TTC34: variants seen among roughly 807,000 people sequenced by gnomAD.
TTC34 encodes the protein tetratricopeptide repeat domain 34.
Under a neutral mutation model 40.7 loss-of-function variants are expected in TTC34, and 44 were observed. That is an observed-to-expected ratio of 1.08 (90% CI 0.85 to 1.39). TTC34 has a LOEUF of 1.39. Among genes scored for constraint, TTC34 ranks in the 40% most tolerant of loss-of-function variants. The pLI, the probability that TTC34 is intolerant of heterozygous loss-of-function variation, is 0.00. For synonymous variants in TTC34, 422 were observed against 398.6 expected (o/e 1.06, Z -0.70); for missense variants, 884 against 838.0 (o/e 1.05, Z -0.68).
intron 2 of TTC34, among the ~76,000 whole-genome samples, chr1:2,793,455 T>C (rs1643683709): frequency 6.6e-6 from 1 of 152,226 alleles, no homozygotes; most frequent in Non-Finnish European, 1.5e-5. Flanking sequence ...TTTCTATAGT[T>C]ATGGGCAAAA....
chr1:2,671,828 T>C (rs1436119375), intron 6 of TTC34, among the ~76,000 whole-genome samples: 26 of 92,218 alleles, frequency 2.8e-4, no homozygotes, highest in Middle Eastern at 0.011. Context: ...GCAGCACCAG[T>C]ACCCCCAGGC....
At chr1:2,699,489 C>G (rs1425824580) in intron 6 of TTC34, among the ~76,000 whole-genome samples, 1 of 124,252 alleles carries the variant, frequency 8.0e-6, no homozygotes, top group African/African-American at 2.7e-5. Flanking sequence ...GAGCAGCACC[C>G]ACACACCCAG....
chr1:2,695,736 T>G (rs1327441764), intron 6 of TTC34, among the ~76,000 whole-genome samples: 1,195 of 13,190 alleles, frequency 0.091, no homozygotes, highest in Admixed American at 0.12. Context: ...GCAGCTGAAA[T>G]CCTGGAACAG....
chr1:2,796,124 C>T lies in TTC34; in HGVS notation c.784+3920G>A, dbSNP rs749435676. Among the ~76,000 whole-genome samples, 11 of 152,124 alleles carry T rather than the reference C, an allele frequency of 7.2e-5. No individual in the cohort carries two copies. Among genetic ancestry groups the T allele is most frequent in the Admixed American group, 2.0e-4 (3 of 15,270 alleles). On this transcript the variant is annotated intron_variant, in intron 2 of 8. Coordinates refer to ENST00000401095, the Ensembl canonical transcript of TTC34. The surrounding 1 kb of genome is among the most constrained non-coding windows in gnomAD (Gnocchi z 4.5). ...GCATTCAAGGCGCCATCTTGGAATC[C>T]GAATCCCCAAGCCTGTTGGGGCCTT...
intron 6 of TTC34, among the ~76,000 whole-genome samples, chr1:2,683,149 AGC>A (rs1640152835): frequency 8.2e-6 from 1 of 121,420 alleles, no homozygotes; most frequent in East Asian, 2.4e-4. Context: ...CAGCACGCAC[AGC>A]CCCAGGAGAG....
intron 6 of TTC34, among the ~76,000 whole-genome samples, chr1:2,754,794 T>A (rs1488874457): frequency 7.3e-6 from 1 of 136,706 alleles, no homozygotes; most frequent in Non-Finnish European, 1.6e-5. Context: ...GGTGAGCATC[T>A]GACAGCCTGG....
chr1:2,683,354 C>T (rs79461903), intron 6 of TTC34, among the ~76,000 whole-genome samples: 4 of 69,548 alleles, frequency 5.8e-5, no homozygotes, highest in African/African-American at 1.1e-4. Flanking sequence ...CCCTGCACCC[C>T]CAGGTGAGCA....
chr1:2,799,549 A>C (rs1356029807), intron 2 of TTC34, among the ~76,000 whole-genome samples: 1 of 152,114 alleles, frequency 6.6e-6, no homozygotes, highest in East Asian at 1.9e-4. Flanking sequence ...ATCTCAAAAA[A>C]AAAAATGCAG....
chr1:2,699,361 G>T (rs1419388434), intron 6 of TTC34, among the ~76,000 whole-genome samples: 3 of 113,812 alleles, frequency 2.6e-5, no homozygotes, highest in African/African-American at 8.5e-5. Flanking sequence ...GCCTGGAACA[G>T]CACCGCACAC....
intron 6 of TTC34, among the ~76,000 whole-genome samples, chr1:2,683,876 C>T (rs572364892): frequency 2.9e-4 from 38 of 131,976 alleles, no homozygotes; most frequent in South Asian, 1.5e-3. Context: ...ACCCACACCC[C>T]GAGGCGAGCA....
chr1:2,799,535 C>T (rs989349980), intron 2 of TTC34, among the ~76,000 whole-genome samples: 1 of 151,870 alleles, frequency 6.6e-6, no homozygotes, highest in Non-Finnish European at 1.5e-5. Context: ...AAGAATGAAA[C>T]TCCATCTCAA....
intron 6 of TTC34, among the ~76,000 whole-genome samples, chr1:2,692,533 C>T (rs1407883704): frequency 1.7e-4 from 15 of 88,340 alleles, no homozygotes; most frequent in Non-Finnish European, 2.5e-4. Flanking sequence ...CAGCTTGGAT[C>T]AGCACCCACA....
intron 6 of TTC34, among the ~76,000 whole-genome samples, chr1:2,651,388 T>C (rs1228014457): frequency 2.0e-5 from 3 of 151,026 alleles, no homozygotes; most frequent in African/African-American, 7.3e-5. Context: ...TGGAGCAGCA[T>C]TCTCCAGCCC....
At chr1:2,648,294 C>T (rs779763945) in intron 6 of TTC34, among the ~76,000 whole-genome samples, 3 of 152,168 alleles carry the variant, frequency 2.0e-5, no homozygotes, top group Non-Finnish European at 4.4e-5. Flanking sequence ...TGATTTCACT[C>T]TGGGGGGCAG....
intron 6 of TTC34, among the ~76,000 whole-genome samples, chr1:2,768,089 C>T (rs896091526): frequency 2.0e-5 from 3 of 151,538 alleles, no homozygotes; most frequent in African/African-American, 7.3e-5. Flanking sequence ...CCCACATCCC[C>T]AGGTAAGTGT....
At chr1:2,685,741 C>T (rs1319754316) in intron 6 of TTC34, among the ~76,000 whole-genome samples, 1 of 125,478 alleles carries the variant, frequency 8.0e-6, no homozygotes, top group Non-Finnish European at 1.7e-5. Flanking sequence ...ATCTGATGGT[C>T]TGGAGCAGAA....
chr1:2,699,615 C>A (rs1416039708), intron 6 of TTC34, among the ~76,000 whole-genome samples: 2 of 115,362 alleles, frequency 1.7e-5, no homozygotes, highest in East Asian at 2.6e-4. Context: ...CACCCACACA[C>A]CCAGGTCAGC....
At chr1:2,650,751 G>A (rs1015458440) in intron 6 of TTC34, among the ~76,000 whole-genome samples, 6 of 150,662 alleles carry the variant, frequency 4.0e-5, no homozygotes, top group African/African-American at 1.5e-4. Context: ...CTGACCCCCA[G>A]GTGAGCATCT....
exon 3 of TTC34, chr1:2,790,015 C>G (rs1643644591): frequency 2.5e-6 from 1 of 395,188 alleles, no homozygotes; most frequent in Admixed American, 4.4e-5. Flanking sequence ...GGGCTCCCAG[C>G]GCGGGTCGCG....
Sources: gnomAD v4.1 joint callset for allele counts (sites outside exome capture counted in the v4.1 genomes callset) on GRCh38, gnomAD v4.1.1 for gene constraint, Gnocchi (gnomAD v3.1) non-coding constraint, MANE v1.5 for transcripts, NCBI Gene and HGNC (gene_info 2026-07-23, HGNC 2026-07-21) for gene names.